Variants in RAPGEF2 observed in about 807,000 individuals in gnomAD.
RAPGEF2 encodes Rap guanine nucleotide exchange factor 2, also known as PDZ domain containing guanine nucleotide exchange factor (GEF) 1.
A neutral mutation model predicts 186.7 loss-of-function variants in RAPGEF2; 54 were observed. That is an observed-to-expected ratio of 0.29 (90% CI 0.23 to 0.36). The LOEUF is 0.36. RAPGEF2 is among the 10% of genes least tolerant of loss of function. RAPGEF2 has a pLI of 1.00. For synonymous variants in RAPGEF2, 712 were observed against 705.9 expected, an observed-to-expected ratio of 1.01 and a Z score of -0.14; for missense variants, 1,532 against 2,045.0, an observed-to-expected ratio of 0.75 and a Z score of 4.84.
intron 7 of RAPGEF2, among the ~76,000 whole-genome samples, chr4:159,244,012 A>G (rs1473176127): frequency 6.6e-6 from 1 of 151,994 alleles, no homozygotes; most frequent in Non-Finnish European, 1.5e-5. Flanking sequence ...AAAGAACTCA[A>G]GTGCAAGCTA....
chr4:159,230,800 T>A (rs1443562037), intron 4 of RAPGEF2, among the ~76,000 whole-genome samples: 1 of 152,262 alleles, frequency 6.6e-6, no homozygotes, highest in East Asian at 1.9e-4. Flanking sequence ...TCTCAACTTG[T>A]CATTGGGTTA....
At chr4:159,213,637 C>T (rs1041258769) in intron 4 of RAPGEF2, among the ~76,000 whole-genome samples, 4 of 152,082 alleles carry the variant, frequency 2.6e-5, no homozygotes, top group African/African-American at 4.8e-5. Flanking sequence ...CCTCAGTTGA[C>T]GTTTAAGTCA....
chr4:159,106,443 T>C (rs567259342), intron 1 of RAPGEF2, among the ~76,000 whole-genome samples: 2 of 152,228 alleles, frequency 1.3e-5, no homozygotes, highest in Non-Finnish European at 2.9e-5. Context: ...GAAGGTACTT[T>C]TTATGTTAAG....
chr4:159,179,558 G>A (rs1320630424), intron 1 of RAPGEF2, among the ~76,000 whole-genome samples: 1 of 152,116 alleles, frequency 6.6e-6, no homozygotes, highest in Non-Finnish European at 1.5e-5. Flanking sequence ...TTTGAGGAGC[G>A]GGACTTCTCA....
chr4:159,182,390 T>C (rs1747106054), intron 1 of RAPGEF2, among the ~76,000 whole-genome samples: 2 of 52,952 alleles, frequency 3.8e-5, no homozygotes, highest in East Asian at 3.0e-4. Context: ...TTTCTTCTTT[T>C]TTTTTTTTTT....
chr4:159,233,042 A>G (rs1489229814), intron 4 of RAPGEF2, among the ~76,000 whole-genome samples: 1 of 152,166 alleles, frequency 6.6e-6, no homozygotes, highest in Non-Finnish European at 1.5e-5. Context: ...ACTTTTTTAT[A>G]TATTTTGAAT....
At chr4:159,111,036 C>T (rs1738434684) in intron 1 of RAPGEF2, among the ~76,000 whole-genome samples, 1 of 151,762 alleles carries the variant, frequency 6.6e-6, no homozygotes, top group Non-Finnish European at 1.5e-5. Context: ...AAAAAACCAC[C>T]CTTGTTTTCA....
At chr4:159,250,602 A>G (rs1396430858) in intron 7 of RAPGEF2, among the ~76,000 whole-genome samples, 2 of 151,720 alleles carry the variant, frequency 1.3e-5, no homozygotes, top group African/African-American at 4.8e-5. Context: ...ATTTGAGGGT[A>G]TTAGAAAATA....
At chr4:159,263,180 A>G (rs1757064409) in intron 7 of RAPGEF2, among the ~76,000 whole-genome samples, 1 of 152,158 alleles carries the variant, frequency 6.6e-6, no homozygotes, top group Admixed American at 6.5e-5. Context: ...GATGAAATAG[A>G]TGACGTGAAA....
At chr4:159,316,273 GAGTA>G (rs1206056223) in intron 9 of RAPGEF2, among the ~76,000 whole-genome samples, 1 of 152,114 alleles carries the variant, frequency 6.6e-6, no homozygotes, top group East Asian at 1.9e-4. Context: ...TTGGAATAAA[GAGTA>G]AGTACTACTA....
At chr4:159,112,800 A>G (rs2111067604) in intron 1 of RAPGEF2, among the ~76,000 whole-genome samples, 1 of 152,350 alleles carries the variant, frequency 6.6e-6, no homozygotes, top group South Asian at 2.1e-4. Context: ...GATCAGTATC[A>G]TCAGGATATT....
chr4:159,248,918 G>A (rs1038051076), intron 7 of RAPGEF2, among the ~76,000 whole-genome samples: 22 of 152,100 alleles, frequency 1.4e-4, no homozygotes, highest in South Asian at 4.1e-4. Context: ...ACAGAACTCC[G>A]GTGTCCACTG....
At chr4:159,354,173 A>G in intron 28 of RAPGEF2, 127 bp downstream of exon 28, 10 of 1,044,494 alleles carry the variant, frequency 9.6e-6, no homozygotes, top group Non-Finnish European at 1.3e-5. Flanking sequence ...TAGGACTTCC[A>G]AATTAGTGGT....
intron 4 of RAPGEF2, among the ~76,000 whole-genome samples, chr4:159,212,983 T>G (rs1750670226): frequency 6.6e-6 from 1 of 152,246 alleles, no homozygotes; most frequent in East Asian, 1.9e-4. Flanking sequence ...CACATTGGAC[T>G]CTACGTCTAA....
chr4:159,341,779 A>T lies in RAPGEF2; in HGVS notation c.2750A>T (p.Asn917Ile). The change falls in exon 20 of 30, where the codon AAC (asparagine) becomes ATC (isoleucine). Residue 917 changes from asparagine (N) to isoleucine (I), a missense_variant. By Grantham distance (149) the Asn-to-Ile change is moderately radical. This residue lies in a region of RAPGEF2 where 810 missense variants were observed against 1,210.5 expected (regional missense o/e 0.67). Coordinates refer to ENST00000691494, the MANE Select transcript of RAPGEF2 (RefSeq NM_001394067.2). ...FKLRSKTSCA[N>I]LKRFEEVINQ... ...CTCAGATCAAAAACCAGCTGTGCCA[A>T]CCTGAAGAGATTTGAAGAAGTCATT... is the stretch of plus-strand genomic sequence containing the variant. The T allele has an allele frequency of 1.2e-6, 2 of 1,614,076 alleles. No individual in the cohort carries two copies. Among genetic ancestry groups the T allele is most frequent in the Non-Finnish European group, 1.7e-6 (2 of 1,179,938 alleles).
At chr4:159,111,058 G>A (rs983690711) in intron 1 of RAPGEF2, among the ~76,000 whole-genome samples, 4 of 149,824 alleles carry the variant, frequency 2.7e-5, no homozygotes, top group South Asian at 2.1e-4. Flanking sequence ...ATGCAAAATC[G>A]CCACTACCTA....
chr4:159,330,267 G>GTA, intron 12 of RAPGEF2, 67 bp from the exon 13 acceptor site: 1 of 604,954 alleles, frequency 1.7e-6, no homozygotes, highest in Non-Finnish European at 2.7e-6. Flanking sequence ...ATATGTATAT[G>GTA]TGTGTGTGTG....
intron 7 of RAPGEF2, chr4:159,268,100 A>G (rs765143162): frequency 1.4e-5 from 22 of 1,594,590 alleles, no homozygotes; most frequent in Non-Finnish European, 1.9e-5. Context: ...GTGACTTGCC[A>G]TCGTGAGAGA....
intron 7 of RAPGEF2, among the ~76,000 whole-genome samples, chr4:159,264,930 T>C (rs755256644): frequency 6.6e-6 from 1 of 152,218 alleles, no homozygotes; most frequent in Admixed American, 6.5e-5. Context: ...GTAATAGAAA[T>C]TCATTCCTTT....
Sources: gnomAD v4.1 joint callset for allele counts (sites outside exome capture counted in the v4.1 genomes callset) on GRCh38, gnomAD v4.1.1 for gene constraint, gnomAD v4.1.1 regional missense constraint, MANE v1.5 for transcripts, NCBI Gene and HGNC (gene_info 2026-07-23, HGNC 2026-07-21) for gene names.